ATP2C1: variants seen among roughly 807,000 people sequenced by gnomAD.
ATP2C1 encodes the protein ATPase secretory pathway Ca2+ transporting 1, also known as calcium-transporting ATPase type 2C member 1.
In ATP2C1, 31 loss-of-function variants were observed where a neutral mutation model predicts 120.5. The observed-to-expected ratio is 0.26, with a 90% CI of 0.19 to 0.35. The LOEUF (loss-of-function observed/expected upper bound fraction) is 0.35. Ranked by LOEUF, ATP2C1 falls within the 10% of genes least tolerant of loss-of-function variation. The pLI is 1.00. For synonymous variants in ATP2C1, 351 were observed against 358.7 expected (o/e 0.98, Z 0.24); for missense variants, 731 against 1,107.5 (o/e 0.66, Z 4.83).
At chr3:130,989,119 C>T (rs528131657) in intron 20 of ATP2C1, among the ~76,000 whole-genome samples, 9 of 151,736 alleles carry the variant, frequency 5.9e-5, no homozygotes, top group Non-Finnish European at 8.8e-5. Flanking sequence ...GGTATGGTGG[C>T]GGGCACCTGT....
chr3:130,936,833 A>T (rs1054982993), intron 5 of ATP2C1, among the ~76,000 whole-genome samples: 3 of 150,788 alleles, frequency 2.0e-5, no homozygotes, highest in African/African-American at 7.3e-5. Context: ...AAAAAAAAAA[A>T]AAACTCCTCC....
intron 8 of ATP2C1, 104 bp from the exon 9 acceptor site, chr3:130,953,717 C>T (rs550903207): frequency 8.5e-7 from 1 of 1,177,492 alleles, no homozygotes; most frequent in Non-Finnish European, 1.3e-6. Flanking sequence ...TGTGGCTAAT[C>T]AATGGAAAAG....
At position 130,941,625 on chromosome 3, in the gene ATP2C1, C is replaced by G. The variant is rs776982434; in HGVS notation, c.457C>G (p.Arg153Gly). Residue 153 changes from arginine to glycine, a missense_variant, in exon 8 of 28, where the codon CGA (arginine) becomes GGA (glycine). By Grantham distance (125) the Arg-to-Gly change is moderately radical. This residue lies in a region of ATP2C1 where 571 missense variants were observed against 845.9 expected (regional missense o/e 0.67). Coordinates refer to ENST00000510168, the MANE Select transcript of ATP2C1 (RefSeq NM_001378687.1). ...AGGAAAATTGGAGCATACACTTGCC[C>G]GAGACTTGGTTCCAGGTGATACAGT... is the stretch of plus-strand genomic sequence containing the variant. ...REGKLEHTLA[R>G]DLVPGDTVCL... The G allele has an allele frequency of 8.1e-6, 13 of 1,613,722 alleles. No homozygotes were observed. In the East Asian group the frequency reaches 2.7e-4, roughly 33 times the overall value.
chr3:130,992,804 CAT>C (rs771124840), intron 20 of ATP2C1, 145 bp from the exon 21 acceptor site: 2 of 676,890 alleles, frequency 3.0e-6, no homozygotes, highest in Non-Finnish European at 5.4e-6. Flanking sequence ...TCTTAACAAA[CAT>C]ATGTCATATT....
intron 1 of ATP2C1, among the ~76,000 whole-genome samples, chr3:130,888,412 A>G (rs1041305040): frequency 6.6e-6 from 1 of 152,156 alleles, no homozygotes; most frequent in Non-Finnish European, 1.5e-5. Context: ...AAGAACTGCA[A>G]TCCCTGTGTC....
intron 2 of ATP2C1, among the ~76,000 whole-genome samples, chr3:130,906,211 C>G (rs1293042981): frequency 6.6e-6 from 1 of 151,960 alleles, no homozygotes; most frequent in African/African-American, 2.4e-5. Flanking sequence ...GAAAGAAACC[C>G]CTTACCCATT....
At chr3:130,918,097 C>G in intron 2 of ATP2C1, 4 of 617,410 alleles carry the variant, frequency 6.5e-6, no homozygotes, top group Non-Finnish European at 1.2e-5. Context: ...CCAGCCTATC[C>G]GAGTACAGGG....
At chr3:130,856,703 T>A (rs1248800505) in intron 1 of ATP2C1, among the ~76,000 whole-genome samples, 1 of 152,194 alleles carries the variant, frequency 6.6e-6, no homozygotes, top group Non-Finnish European at 1.5e-5. Flanking sequence ...CAAAGCTCCC[T>A]AATGTGGAGG....
chr3:130,853,582 C>T (rs1173523025), intron 1 of ATP2C1, among the ~76,000 whole-genome samples: 2 of 152,170 alleles, frequency 1.3e-5, no homozygotes, highest in Admixed American at 6.5e-5. Flanking sequence ...TACAACTTGC[C>T]CTCCTGGAGG....
chr3:130,918,380 G>T, intron 2 of ATP2C1: 1 of 1,449,692 alleles, frequency 6.9e-7, no homozygotes, highest in Non-Finnish European at 9.7e-7. Context: ...AATAGTTTTT[G>T]TTCCAGGGCT....
intron 8 of ATP2C1, among the ~76,000 whole-genome samples, chr3:130,947,904 T>C (rs1203163996): frequency 1.3e-5 from 2 of 152,184 alleles, no homozygotes; most frequent in Non-Finnish European, 2.9e-5. Flanking sequence ...CCTAATCTTA[T>C]AACAATCTAT....
chr3:130,882,285 C>A (rs1182889858), intron 1 of ATP2C1, among the ~76,000 whole-genome samples: 2 of 151,950 alleles, frequency 1.3e-5, no homozygotes, highest in Non-Finnish European at 2.9e-5. Flanking sequence ...ACAACCTCCA[C>A]CTCCTGGGTT....
intron 2 of ATP2C1, chr3:130,928,264 T>G (rs1055667594): frequency 3.3e-5 from 5 of 152,366 alleles, no homozygotes; most frequent in Non-Finnish European, 7.3e-5. Context: ...CAGGTGTGGT[T>G]GCAGCTGGAG....
In ATP2C1 at chr3:130,996,050, A is replaced by G. The variant is rs2062609367; in HGVS notation, c.2065A>G (p.Ile689Val). The G allele has an allele frequency of 2.5e-6, 4 of 1,596,090 alleles. No homozygotes were observed. The highest frequency in any genetic ancestry group is 1.3e-5 in the African/African-American group (1 of 74,674). Reference sequence around the variant, plus strand: ...TTATTTTTTAAATTTCAGGTCTGCAATCGAAGAGGGTAAAGGGATTTATAA... The same window carrying G: ...TTATTTTTTAAATTTCAGGTCTGCAGTCGAAGAGGGTAAAGGGATTTATAA... ...DDDFQTIMSA[I>V]EEGKGIYNNI... The change falls in exon 23 of 28, where the codon ATC (isoleucine) becomes GTC (valine). Residue 689 changes from isoleucine (I) to valine (V), a missense_variant. Physicochemically the swap from Ile to Val is conservative, Grantham distance 29. Around this residue, in one of 3 missense-constraint regions of ATP2C1, gnomAD observed 571 missense variants for 845.9 expected, o/e 0.67. Transcript: ENST00000510168.
chr3:130,924,412 C>T (rs1202457257), intron 2 of ATP2C1, among the ~76,000 whole-genome samples: 1 of 152,220 alleles, frequency 6.6e-6, no homozygotes, highest in Non-Finnish European at 1.5e-5. Context: ...CCAGTCCCTT[C>T]TAGCTTGTAG....
intron 7 of ATP2C1, among the ~76,000 whole-genome samples, chr3:130,941,254 GTGTGTGTGTGTC>G (rs1553764239): frequency 5.3e-5 from 8 of 149,622 alleles, no homozygotes; most frequent in South Asian, 2.1e-4. Flanking sequence ...GTGTGTGTGT[GTGTGTGTGTGTC>G]TGTGTGTGTG....
chr3:130,965,639 G>A (rs755700252), intron 14 of ATP2C1, among the ~76,000 whole-genome samples: 27 of 151,794 alleles, frequency 1.8e-4, no homozygotes, highest in Non-Finnish European at 3.7e-4. Context: ...TAGTTCTTTC[G>A]ATGTGACACA....
rs1429225483 is a variant in ATP2C1, at chr3:130,894,359, T to G, written c.-181+22T>G. 1.8e-6 allele frequency: 2 copies of G among 1,095,294 alleles called. No homozygotes were observed. The highest frequency in any genetic ancestry group is 1.4e-4 in the East Asian group (2 of 14,072). 67.8% of individuals were successfully genotyped at this position (1,095,294 alleles called of 1,614,324 possible). ...TTGGGTGGGTACCAGTATTACCTCC[T>G]GCCCCCATTTCTAGAAACTTCCAGG... On this transcript the variant is annotated intron_variant, in intron 1 of 27. Coordinates refer to ENST00000510168, the MANE Select transcript of ATP2C1 (RefSeq NM_001378687.1). This position sits in a 1 kb window ranked among gnomAD's most constrained non-coding sequence, Gnocchi z 4.5.
At chr3:130,909,193 G>A (rs1377489219) in intron 2 of ATP2C1, among the ~76,000 whole-genome samples, 2 of 152,122 alleles carry the variant, frequency 1.3e-5, no homozygotes, top group Non-Finnish European at 2.9e-5. Context: ...ACCACAGGCA[G>A]TAAGGAGGCA....
Sources: allele counts gnomAD v4.1 joint callset (sites outside exome capture counted in the v4.1 genomes callset), GRCh38; gene constraint gnomAD v4.1.1; regional missense constraint gnomAD v4.1.1; non-coding constraint Gnocchi (gnomAD v3.1); transcripts MANE v1.5; gene names NCBI Gene and HGNC (gene_info 2026-07-23, HGNC 2026-07-21).